Variants in COG3 observed in about 807,000 individuals in gnomAD.
COG3 encodes the protein conserved oligomeric Golgi complex subunit 3.
A neutral mutation model predicts 114.1 loss-of-function variants in COG3; 32 were observed. The ratio of observed to expected loss-of-function variants is 0.28; its 90% CI spans 0.21 to 0.38. The LOEUF (loss-of-function observed/expected upper bound fraction) is 0.38. Among genes scored for constraint, COG3 ranks in the 10% least tolerant of loss-of-function variants. The pLI, the probability that COG3 is intolerant of heterozygous loss-of-function variation, is 1.00. For synonymous variants in COG3, 352 were observed against 365.7 expected (o/e 0.96, Z 0.43); for missense variants, 813 against 973.2 (o/e 0.84, Z 2.19).
rs569866986 is a variant in COG3, at chr13:45,516,132, T to G, written c.1810-11T>G. 6.5e-7 allele frequency: 1 copy of G among 1,548,636 alleles called. No individual in the cohort carries two copies. Among genetic ancestry groups the G allele is most frequent in the East Asian group, 2.3e-5 (1 of 43,964 alleles). ...ATGTGATCATATCCATTTTTCTGTCTTATAATTTAGACTCAGATTGATGGA... is the reference window on the plus strand; with the variant it reads ...ATGTGATCATATCCATTTTTCTGTCGTATAATTTAGACTCAGATTGATGGA... On this transcript the variant is annotated splice_polypyrimidine_tract_variant and intron_variant, in intron 16 of 22. Transcript: ENST00000349995.
chr13:45,469,191 A>G (rs1885324906), intron 1 of COG3, among the ~76,000 whole-genome samples: 1 of 152,222 alleles, frequency 6.6e-6, no homozygotes, highest in African/African-American at 2.4e-5. Flanking sequence ...GAAGTAATCA[A>G]ATAGAATACT....
chr13:45,500,600 G>T (rs897739754), intron 13 of COG3, among the ~76,000 whole-genome samples: 5 of 152,112 alleles, frequency 3.3e-5, no homozygotes, highest in African/African-American at 1.2e-4. Flanking sequence ...TTGAGAAGGT[G>T]GTACAGAGTT....
chr13:45,479,058 TA>T lies in COG3; in HGVS notation c.378del (p.Lys126AsnfsTer5). On this transcript the variant is annotated frameshift_variant, in exon 3 of 23. Transcript: ENST00000349995. LOFTEE classifies it high-confidence loss of function. ...QTQMDQDEGT[K>X]YRQMRDYLSG... ...CTCAGATGGATCAAGATGAAGGAAC[TA>T]AATATAGGTATGTGTGTCTCTTGCA... 6.2e-7 allele frequency: 1 copy of T among 1,605,270 alleles called. No individual in the cohort carries two copies.
intron 2 of COG3, 109 bp downstream of exon 2, chr13:45,476,456 T>A (rs1251640128): frequency 1.2e-5 from 13 of 1,129,294 alleles, no homozygotes; most frequent in Non-Finnish European, 1.5e-5. Flanking sequence ...ATAATTAACA[T>A]TAAGTCTTTC....
At position 45,525,634 on chromosome 13, in the gene COG3, G is replaced by GTTTTTTTTTTTTTTT. The variant is rs59577529; in HGVS notation, c.2230+587_2230+601dup. ...ATTTTTTTGTGCTGGAGGGCTTTGG[G>GTTTTTTTTTTTTTTT]TTTTTTTTTTTTTTTTTTGGTCTTT... On this transcript the variant is annotated intron_variant, in intron 20 of 22. Transcript: ENST00000349995. Among the ~76,000 whole-genome samples, 95 of 56,608 alleles carry GTTTTTTTTTTTTTTT rather than the reference G, an allele frequency of 1.7e-3. 7 individuals are homozygous for GTTTTTTTTTTTTTTT. Among genetic ancestry groups the GTTTTTTTTTTTTTTT allele is most frequent in the South Asian group, 4.5e-3 (5 of 1,122 alleles). The allele number at this position is 56,608 out of a possible 152,430, so 37.1% of individuals were successfully genotyped here.
rs1244985112 is a variant in COG3, at chr13:45,532,601, G to A, written c.2457+1821G>A. The stretch of plus-strand genomic sequence containing the variant: ...TTTTTTTTTTTTGAGTTGGAGTCTC[G>A]CTCTGTCACCCAGGCTGGAGTGCAG... On this transcript the variant is annotated intron_variant, in intron 22 of 22. Transcript: ENST00000349995. Among the ~76,000 whole-genome samples, 7 of 122,100 alleles carry A rather than the reference G, an allele frequency of 5.7e-5. No individual in the cohort carries two copies. The East Asian group carries it at 8.0e-4, about 14-fold the overall frequency. The allele number at this position is 122,100 out of a possible 152,430, so 80.1% of individuals were successfully genotyped here. A position where few individuals can be genotyped will look rare whatever the true frequency, so the allele number is the denominator to read the frequency against.
chr13:45,496,774 C>T (rs576932043), intron 13 of COG3, among the ~76,000 whole-genome samples: 1 of 151,742 alleles, frequency 6.6e-6, no homozygotes, highest in African/African-American at 2.4e-5. Context: ...CACGGGTTCG[C>T]GCCATTCTCC....
chr13:45,532,601 G>T (rs1244985112), intron 22 of COG3, among the ~76,000 whole-genome samples: 1 of 122,100 alleles, frequency 8.2e-6, no homozygotes, highest in Admixed American at 9.8e-5. Context: ...TTGGAGTCTC[G>T]CTCTGTCACC....
intron 19 of COG3, among the ~76,000 whole-genome samples, chr13:45,521,277 A>G (rs1216970922): frequency 1.3e-5 from 2 of 152,346 alleles, no homozygotes; most frequent in East Asian, 3.9e-4. Context: ...ACAAATGTTC[A>G]TGGACCTGTT....
At chr13:45,484,079 GAAAAT>G (rs1886419554) in intron 7 of COG3, among the ~76,000 whole-genome samples, 1 of 152,110 alleles carries the variant, frequency 6.6e-6, no homozygotes, top group Non-Finnish European at 1.5e-5. Flanking sequence ...CCTTTCCTAA[GAAAAT>G]AAAATCATAA....
At chr13:45,526,026 A>G (rs1331068147) in intron 20 of COG3, among the ~76,000 whole-genome samples, 4 of 130,246 alleles carry the variant, frequency 3.1e-5, no homozygotes, top group African/African-American at 1.1e-4. Context: ...TTAGGTATTC[A>G]TTTTCTTTGG....
chr13:45,465,875 C>A (rs970553577), intron 1 of COG3: 1 of 152,196 alleles, frequency 6.6e-6, no homozygotes, highest in Non-Finnish European at 1.5e-5. Flanking sequence ...TGTGTTTAAT[C>A]CACTTACCAT....
intron 20 of COG3, among the ~76,000 whole-genome samples, chr13:45,528,895 A>C (rs900360199): frequency 2.6e-5 from 4 of 152,242 alleles, no homozygotes; most frequent in East Asian, 3.8e-4. Flanking sequence ...TATATCTGCA[A>C]GTAAATTTCT....
intron 16 of COG3, among the ~76,000 whole-genome samples, chr13:45,513,398 TAC>T (rs775083962): frequency 0.33 from 13,850 of 41,450 alleles, 190 homozygotes; most frequent in African/African-American, 0.38. Context: ...ATATAAATTA[TAC>T]ATATAATATA....
chr13:45,495,414 A>G (rs573058688), intron 12 of COG3, among the ~76,000 whole-genome samples: 9 of 151,494 alleles, frequency 5.9e-5, no homozygotes, highest in African/African-American at 1.2e-4. Context: ...GTCTTACTCT[A>G]TTGCCCAGGC....
intron 14 of COG3, among the ~76,000 whole-genome samples, chr13:45,505,672 T>A (rs1328028575): frequency 6.6e-6 from 1 of 152,098 alleles, no homozygotes. Context: ...TTGCCCAGGC[T>A]GGTTTCGAAC....
chr13:45,497,817 A>ACAACAT (rs1868999518), intron 13 of COG3, among the ~76,000 whole-genome samples: 1 of 140,850 alleles, frequency 7.1e-6, no homozygotes, highest in Non-Finnish European at 1.5e-5. Flanking sequence ...AACAACAACA[A>ACAACAT]CAAAGTATGA....
At chr13:45,526,761 A>G (rs1464497140) in intron 20 of COG3, among the ~76,000 whole-genome samples, 2 of 152,232 alleles carry the variant, frequency 1.3e-5, no homozygotes, top group Non-Finnish European at 2.9e-5. Context: ...ACAGTAGTAC[A>G]TTCTGTCAGA....
intron 19 of COG3, among the ~76,000 whole-genome samples, chr13:45,520,619 G>T (rs1396698253): frequency 6.6e-6 from 1 of 152,118 alleles, no homozygotes. Flanking sequence ...GCATAGAAAT[G>T]TTAAAGTACT....
Sources: allele counts gnomAD v4.1 joint callset (sites outside exome capture counted in the v4.1 genomes callset), GRCh38; gene constraint gnomAD v4.1.1; transcripts MANE v1.5; gene names NCBI Gene and HGNC (gene_info 2026-07-23, HGNC 2026-07-21).